The following GTPBP2 variants were observed in gnomAD, a reference collection of about 807,000 sequenced individuals.
The protein encoded by GTPBP2 is GTP binding protein 2.
In GTPBP2, 32 loss-of-function variants were observed where a neutral mutation model predicts 63.0. The observed-to-expected ratio is 0.51, with a 90% confidence interval of 0.38 to 0.68. The LOEUF (loss-of-function observed/expected upper bound fraction) is 0.68, where lower values mean the gene tolerates loss of function less well. Ranked by LOEUF, GTPBP2 falls within the 30% of genes least tolerant of loss-of-function variation. The pLI is 0.00. For missense variants in GTPBP2, 492 were observed against 796.9 expected, an observed-to-expected ratio of 0.62 and a Z score of 4.61; for synonymous variants, 310 against 322.6, an observed-to-expected ratio of 0.96 and a Z score of 0.42.
Position 43,626,526 on chromosome 6 carries a change from C to T in GTPBP2, c.214-116G>A. The T allele has an allele frequency of 2.7e-6, 2 of 728,974 alleles. No homozygotes were observed. The highest frequency in any genetic ancestry group is 3.5e-5 in the South Asian group (2 of 57,534). 45.2% of individuals were successfully genotyped at this position (728,974 alleles called of 1,614,324 possible). ...CTTTCTCTTTCCACTTAAACTCATA[C>T]CTGATCCCCCTCCAACAGAACGAGG... On this transcript the variant is annotated intron_variant, in intron 2 of 11. Transcript: ENST00000307126. This position sits in a 1 kb window ranked among gnomAD's most constrained non-coding sequence, Gnocchi z 4.0.
chr6:43,626,156 T>C lies in GTPBP2; in HGVS notation c.398+70A>G. The stretch of plus-strand genomic sequence containing the variant: ...AGTCCCACCTTGGCCCCTCAGGCCC[T>C]AGGTAACTGGGTATGCATGGGTCCC... On this transcript the variant is annotated intron_variant, in intron 3 of 11. Coordinates refer to ENST00000307126, the MANE Select transcript of GTPBP2 (RefSeq NM_019096.5). This position sits in a 1 kb window ranked among gnomAD's most constrained non-coding sequence, Gnocchi z 4.0. The C allele has an allele frequency of 7.0e-7, 1 of 1,424,730 alleles. No homozygotes were observed. The highest frequency in any genetic ancestry group is 9.8e-7 in the Non-Finnish European group (1 of 1,022,342). 88.3% of individuals were successfully genotyped at this position (1,424,730 alleles called of 1,614,324 possible).
At chr6:43,623,009 T>G (rs1480609636) in intron 9 of GTPBP2, 1 of 564,074 alleles carries the variant, frequency 1.8e-6, no homozygotes, top group South Asian at 2.3e-5. Flanking sequence ...GCAGTGATGG[T>G]GGACAGAGAG....
chr6:43,626,853 AAAG>A lies in GTPBP2; in HGVS notation c.213+66_213+68del. 1 of 1,256,826 alleles carries A rather than the reference AAAG, an allele frequency of 8.0e-7. No individual in the cohort carries two copies. Among genetic ancestry groups the A allele is most frequent in the Non-Finnish European group, 1.1e-6 (1 of 883,800 alleles). The allele number at this position is 1,256,826 out of a possible 1,614,324, so 77.9% of individuals were successfully genotyped here. On this transcript the variant is annotated intron_variant, in intron 2 of 11. Transcript: ENST00000307126. This position sits in a 1 kb window ranked among gnomAD's most constrained non-coding sequence, Gnocchi z 4.0. ...CAAAAAAAAAAAAGAAAGAAAGAAA[AAAG>A]AAATTATCCCACACTGGCAAGGACA...
chr6:43,629,426 T>C, upstream of GTPBP2: 1 of 563,786 alleles, frequency 1.8e-6, no homozygotes, highest in Non-Finnish European at 3.1e-6. Flanking sequence ...GCGGCGCAAG[T>C]GGCCGCGGGA....
At chr6:43,629,551 G>A, upstream of GTPBP2, 1 of 652,594 alleles carries the variant, frequency 1.5e-6, no homozygotes, top group Non-Finnish European at 2.7e-6. Context: ...GGGGAATTTA[G>A]AGCCTCGAGG....
chr6:43,629,414 T>A, upstream of GTPBP2: 1 of 570,066 alleles, frequency 1.8e-6, no homozygotes, highest in Non-Finnish European at 3.1e-6. Context: ...CCAGGAGGCA[T>A]CGCGGCGCAA....
rs1281157360 is a variant in GTPBP2 at position 43,625,874 on chromosome 6, C to A, written c.399-10G>T. On this transcript the variant is annotated splice_polypyrimidine_tract_variant and intron_variant, in intron 3 of 11. Coordinates refer to ENST00000307126, the MANE Select transcript of GTPBP2 (RefSeq NM_019096.5). This position sits in a 1 kb window ranked among gnomAD's most constrained non-coding sequence, Gnocchi z 5.1. ...TATGTCTGCCCCAACCCTGTCACAG[C>A]AAGGCCACAGCTGCCATATCTCACC... is the stretch of plus-strand genomic sequence containing the variant. 6.2e-7 allele frequency: 1 copy of A among 1,603,092 alleles called. No homozygotes were observed. Among genetic ancestry groups the A allele is most frequent in the East Asian group, 2.2e-5 (1 of 44,824 alleles).
chr6:43,625,462 G>T lies in GTPBP2; in HGVS notation c.606C>A (p.Gly202=). 1 of 1,613,998 alleles carries T rather than the reference G, an allele frequency of 6.2e-7. No homozygotes were observed. Among genetic ancestry groups the T allele is most frequent in the African/African-American group, 1.3e-5 (1 of 75,018 alleles). Residue 202 remains glycine, a synonymous_variant, in exon 5 of 12, where the codon GGC becomes GGA. Transcript: ENST00000307126. This position sits in a 1 kb window ranked among gnomAD's most constrained non-coding sequence, Gnocchi z 5.1. ...GGCGGAAAAGGTTGAGCCGAGCCCGGCCCCGCCCATTGTCCAGCTCTCCCT... is the reference window on the plus strand; with the variant it reads ...GGCGGAAAAGGTTGAGCCGAGCCCGTCCCCGCCCATTGTCCAGCTCTCCCT... ...LTQGELDNGR[G]RARLNLFRHL...
intron 9 of GTPBP2, chr6:43,623,432 T>C: frequency 2.5e-6 from 1 of 407,242 alleles, no homozygotes; most frequent in Non-Finnish European, 4.4e-6. Flanking sequence ...TTAAGTGACG[T>C]CTCTCATTTC....
rs1768907497 is a variant in GTPBP2, at chr6:43,622,939, G to C, written c.1296-135C>G. ...GGGGAAGAACCCTAAATTCTGACTT[G>C]GATGTAACAGGGCTCACTGCCAGAG... On this transcript the variant is annotated intron_variant, in intron 9 of 11. Transcript: ENST00000307126. The surrounding 1 kb of genome is among the most constrained non-coding windows in gnomAD (Gnocchi z 5.4). 3.1e-6 allele frequency: 2 copies of C among 647,360 alleles called. No individual in the cohort carries two copies. Among genetic ancestry groups the C allele is most frequent in the Middle Eastern group, 4.3e-4 (1 of 2,334 alleles). The allele number at this position is 647,360 out of a possible 1,614,324, so 40.1% of individuals were successfully genotyped here. A position where few individuals can be genotyped will look rare whatever the true frequency, so the allele number is the denominator to read the frequency against.
rs368845965 is a variant in GTPBP2 at position 43,620,652 on chromosome 6, A to G, written c.*962T>C. On this transcript the variant is annotated 3_prime_UTR_variant, in exon 12 of 12. Transcript: ENST00000307126. ...AAGGGAAAGGAGAGTCCATGCCTAA[A>G]GAGTAGGAAATATGGCAACATCTTT... 6.5e-6 allele frequency: 1 copy of G among 153,164 alleles called. No individual in the cohort carries two copies. Among genetic ancestry groups the G allele is most frequent in the East Asian group, 1.9e-4 (1 of 5,228 alleles). 9.5% of individuals were successfully genotyped at this position (153,164 alleles called of 1,614,324 possible).
chr6:43,630,908 C>CAAAAAAAAAAAAAAAA (rs753239311), upstream of GTPBP2, among the ~76,000 whole-genome samples: 1 of 53,624 alleles, frequency 1.9e-5, no homozygotes, highest in African/African-American at 6.8e-5. Flanking sequence ...GACTTCGTCT[C>CAAAAAAAAAAAAAAAA]AAAAAAAAAA....
chr6:43,630,297 G>A (rs1488177869), upstream of GTPBP2, among the ~76,000 whole-genome samples: 1 of 152,184 alleles, frequency 6.6e-6, no homozygotes, highest in Non-Finnish European at 1.5e-5. Context: ...AGAAAGGCAG[G>A]GTGGAAAAGC....
Position 43,625,834 on chromosome 6 carries a change from C to T in GTPBP2, c.429G>A (p.Glu143=), listed in dbSNP as rs753699905. 1 of 1,614,108 alleles carries T rather than the reference C, an allele frequency of 6.2e-7. No individual in the cohort carries two copies. The highest frequency in any genetic ancestry group is 1.1e-5 in the South Asian group (1 of 91,082). The change falls in exon 4 of 12, where the codon GAG becomes GAA. Residue 143 remains glutamate, a synonymous_variant. Coordinates refer to ENST00000307126, the MANE Select transcript of GTPBP2 (RefSeq NM_019096.5). The surrounding 1 kb of genome is among the most constrained non-coding windows in gnomAD (Gnocchi z 5.1). Reference sequence around the variant, plus strand: ...TGTCGCTATCATAATCCACTTCTCGCTCTCGAAGAACGGTTATGTCTGCCC... The same window carrying T: ...TGTCGCTATCATAATCCACTTCTCGTTCTCGAAGAACGGTTATGTCTGCCC... ...KVGADITVLR[E]REVDYDSDMP...
chr6:43,628,645 G>A, intron 1 of GTPBP2: 2 of 951,548 alleles, frequency 2.1e-6, no homozygotes, highest in South Asian at 1.5e-5. Context: ...GTCCCAGGAT[G>A]CAGTCTCTCT....
Position 43,625,454 on chromosome 6 carries a change from C to T in GTPBP2, c.614G>A (p.Arg205Gln), listed in dbSNP as rs375787408. Reference protein sequence around the residue: ...GELDNGRGRARLNLFRHLHEI... With the variant: ...GELDNGRGRAQLNLFRHLHEI... ...ATGCAGGTGGCGGAAAAGGTTGAGC[C>T]GAGCCCGGCCCCGCCCATTGTCCAG... The change falls in exon 5 of 12, where the codon CGG (arginine) becomes CAG (glutamine). Residue 205 changes from arginine (R) to glutamine (Q), a missense_variant. By Grantham distance (43) the Arg-to-Gln change is conservative (BLOSUM62 1). This residue lies in a region of GTPBP2 where 400 missense variants were observed against 710.8 expected (regional missense o/e 0.56). Transcript: ENST00000307126. The surrounding 1 kb of genome is among the most constrained non-coding windows in gnomAD (Gnocchi z 5.1). The T allele has an allele frequency of 1.9e-6, 3 of 1,613,956 alleles. No individual in the cohort carries two copies. The highest frequency in any genetic ancestry group is 1.7e-6 in the Non-Finnish European group (2 of 1,180,026).
chr6:43,625,806 G>A lies in GTPBP2; in HGVS notation c.457C>T (p.Pro153Ser), dbSNP rs764485639. 19 of 1,613,914 alleles carry A rather than the reference G, an allele frequency of 1.2e-5. No homozygotes were observed. Among genetic ancestry groups the A allele is most frequent in the Admixed American group, 1.7e-5 (1 of 59,988 alleles). The change falls in exon 4 of 12, where the codon CCC becomes TCC. Residue 153 changes from proline to serine, a missense_variant. This residue lies in a region of GTPBP2 where 400 missense variants were observed against 710.8 expected (regional missense o/e 0.56). Coordinates refer to ENST00000307126, the MANE Select transcript of GTPBP2 (RefSeq NM_019096.5). The surrounding 1 kb of genome is among the most constrained non-coding windows in gnomAD (Gnocchi z 5.1). Reference sequence around the variant, plus strand: ...ACTAGCACCTCGGTGATCTTCCGGGGCATGTCGCTATCATAATCCACTTCT... The same window carrying A: ...ACTAGCACCTCGGTGATCTTCCGGGACATGTCGCTATCATAATCCACTTCT... Reference protein sequence around the residue: ...EREVDYDSDMPRKITEVLVRK... With the variant: ...EREVDYDSDMSRKITEVLVRK...
At chr6:43,623,374 A>G (rs1231872202) in intron 9 of GTPBP2, 1 of 244,926 alleles carries the variant, frequency 4.1e-6, no homozygotes, top group Non-Finnish European at 7.9e-6. Context: ...TGGGCAACAG[A>G]GCGAGACTCT....
In GTPBP2 at chr6:43,621,398, C is replaced by G. The variant is rs1159372375; in HGVS notation, c.*216G>C. The G allele has an allele frequency of 4.6e-6, 7 of 1,527,130 alleles. No individual in the cohort carries two copies. Among genetic ancestry groups the G allele is most frequent in the Non-Finnish European group, 2.7e-6 (3 of 1,131,778 alleles). The allele number at this position is 1,527,130 out of a possible 1,614,324, so 94.6% of individuals were successfully genotyped here. The stretch of plus-strand genomic sequence containing the variant: ...ACCAGGTGAGCACACAGCTTCGGAG[C>G]ACTGCCCTGAATCCTGTCTTCTCCC... On this transcript the variant is annotated 3_prime_UTR_variant, in exon 12 of 12. Transcript: ENST00000307126.
Sources: allele counts gnomAD v4.1 joint callset (sites outside exome capture counted in the v4.1 genomes callset), GRCh38; gene constraint gnomAD v4.1.1; regional missense constraint gnomAD v4.1.1; non-coding constraint Gnocchi (gnomAD v3.1); transcripts MANE v1.5; gene names NCBI Gene and HGNC (gene_info 2026-07-23, HGNC 2026-07-21).